Variants in SMPD3 observed in about 807,000 individuals in gnomAD.
The protein encoded by SMPD3 is sphingomyelin phosphodiesterase 3.
In SMPD3, 21 loss-of-function variants were observed where a neutral mutation model predicts 55.7. The observed-to-expected ratio is 0.38, with a 90% confidence interval of 0.27 to 0.54. The LOEUF (loss-of-function observed/expected upper bound fraction) is 0.54, where lower values mean the gene tolerates loss of function less well. SMPD3 is among the 20% of genes least tolerant of loss of function. The pLI is 0.80. For synonymous variants in SMPD3, 457 were observed against 404.3 expected, an observed-to-expected ratio of 1.13 and a Z score of -1.56; for missense variants, 842 against 899.6, an observed-to-expected ratio of 0.94 and a Z score of 0.82.
chr16:68,397,579 C>T (rs536987557), intron 1 of SMPD3, among the ~76,000 whole-genome samples: 1 of 152,318 alleles, frequency 6.6e-6, no homozygotes, highest in South Asian at 2.1e-4. Context: ...GCTGAGAACT[C>T]TTTCATGGCC....
At position 68,374,790 on chromosome 16, in the gene SMPD3, A is replaced by C. The variant is rs1293066084; in HGVS notation, c.-206-2403T>G. 7.2e-5 allele frequency among the ~76,000 whole-genome samples: 11 copies of C among 152,222 alleles called. No homozygotes were observed. In the East Asian group the frequency reaches 2.1e-3, roughly 29 times the overall value. On this transcript the variant is annotated intron_variant, in intron 2 of 8. Transcript: ENST00000219334. ...GGCTGTCTTCACACTGGCTGGACTGACATCCACAGGAGGGGACACAGAGTC... is the reference window on the plus strand; with the variant it reads ...GGCTGTCTTCACACTGGCTGGACTGCCATCCACAGGAGGGGACACAGAGTC...
intron 1 of SMPD3, among the ~76,000 whole-genome samples, chr16:68,399,889 G>T: frequency 6.6e-6 from 1 of 152,190 alleles, no homozygotes; most frequent in East Asian, 1.9e-4. Flanking sequence ...TTGTCTCAGG[G>T]CTAAGGCCAA....
intron 1 of SMPD3, 107 bp from the exon 2 acceptor site, chr16:68,386,766 G>A (rs1458791555): frequency 1.3e-5 from 2 of 152,442 alleles, no homozygotes; most frequent in East Asian, 1.9e-4. Context: ...AAGACCAAGG[G>A]GCCTCACCTG....
chr16:68,361,674 G>A lies in SMPD3; in HGVS notation c.1795C>T (p.Leu599=). Residue 599 remains leucine, a synonymous_variant, in exon 8 of 9, where the codon CTG becomes TTG. Transcript: ENST00000219334. ...SSGQKGRKEL[L]KGNGRRIDYM... is the part of the protein sequence containing the mutation. ...TCGATGCGCCGGCCGTTGCCCTTCAGCAGCTCCTTCCGCCCCTTCTGGCCC... is the reference window on the plus strand; with the variant it reads ...TCGATGCGCCGGCCGTTGCCCTTCAACAGCTCCTTCCGCCCCTTCTGGCCC... 6.2e-7 allele frequency: 1 copy of A among 1,612,824 alleles called. No homozygotes were observed. Among genetic ancestry groups the A allele is most frequent in the South Asian group, 1.1e-5 (1 of 91,092 alleles).
rs967416815 is a variant in SMPD3 at position 68,371,439 on chromosome 16, C to T, written c.743G>A (p.Gly248Asp). ...SPEDACIVRIGGEEGGRPPEA... is the reference protein window; with the variant it reads ...SPEDACIVRIDGEEGGRPPEA... ...AGGTGGCCGGCCGCCCTCCTCGCCACCGATGCGCACGATGCAGGCATCCTC... is the reference window on the plus strand; with the variant it reads ...AGGTGGCCGGCCGCCCTCCTCGCCATCGATGCGCACGATGCAGGCATCCTC... Residue 248 changes from glycine (G) to aspartate (D), a missense_variant, in exon 3 of 9, where the codon GGT becomes GAT. Transcript: ENST00000219334. The T allele has an allele frequency of 1.9e-6, 3 of 1,582,500 alleles. No homozygotes were observed. Among genetic ancestry groups the T allele is most frequent in the African/African-American group, 1.3e-5 (1 of 74,312 alleles).
Position 68,377,719 on chromosome 16 carries a change from C to T in SMPD3, c.-206-5332G>A, listed in dbSNP as rs144212549. Among the ~76,000 whole-genome samples, 11 of 152,348 alleles carry T rather than the reference C, an allele frequency of 7.2e-5. No individual in the cohort carries two copies. In the East Asian group the frequency reaches 2.1e-3, roughly 29 times the overall value. ...TACTGGACGTCAAATACCACCAGCA[C>T]CAAGACAGTCATCCCATTTCCCAAC... On this transcript the variant is annotated intron_variant, in intron 2 of 8. Transcript: ENST00000219334.
At chr16:68,367,968 T>C (rs746880945) in intron 3 of SMPD3, 1 of 152,198 alleles carries the variant, frequency 6.6e-6, no homozygotes, top group Non-Finnish European at 1.5e-5. Flanking sequence ...CGGGAAACCA[T>C]GAGGGCCTTC....
intron 3 of SMPD3, among the ~76,000 whole-genome samples, chr16:68,367,007 C>CAAA (rs35797796): frequency 0.012 from 1,580 of 129,538 alleles, 37 homozygotes; most frequent in African/African-American, 0.042. Flanking sequence ...GACTCTGTCT[C>CAAA]AAAAAAAAAA....
At chr16:68,430,369 T>A (rs1229344233) in intron 1 of SMPD3, among the ~76,000 whole-genome samples, 1 of 152,220 alleles carries the variant, frequency 6.6e-6, no homozygotes, top group East Asian at 1.9e-4. Context: ...TCGACTACAA[T>A]GCTAGGGCCA....
intron 1 of SMPD3, among the ~76,000 whole-genome samples, chr16:68,399,723 C>T (rs1029429404): frequency 2.6e-5 from 4 of 152,212 alleles, no homozygotes; most frequent in African/African-American, 9.7e-5. Context: ...AGCTGCTGCT[C>T]GCCTGGACTG....
At chr16:68,377,702 G>A (rs1334437711) in intron 2 of SMPD3, among the ~76,000 whole-genome samples, 2 of 152,234 alleles carry the variant, frequency 1.3e-5, no homozygotes, top group Admixed American at 6.5e-5. Flanking sequence ...GCTACTGGAC[G>A]TCAAATACCA....
Position 68,360,957 on chromosome 16 carries a change from A to G in SMPD3, c.*249T>C, listed in dbSNP as rs139597865. ...ACTCGGTTGTGCTGTAGATTTGTAG[A>G]AAATCGTGTTGTGAAAGAATGGCAC... On this transcript the variant is annotated 3_prime_UTR_variant, in exon 9 of 9. Transcript: ENST00000219334. 4.0e-6 allele frequency: 2 copies of G among 504,042 alleles called. No individual in the cohort carries two copies. The highest frequency in any genetic ancestry group is 7.1e-6 in the Non-Finnish European group (2 of 282,792). 31.2% of individuals were successfully genotyped at this position (504,042 alleles called of 1,614,324 possible). A position where few individuals can be genotyped will look rare whatever the true frequency, so the allele number is the denominator to read the frequency against.
At chr16:68,414,732 T>C (rs1356069887) in intron 1 of SMPD3, among the ~76,000 whole-genome samples, 1 of 152,162 alleles carries the variant, frequency 6.6e-6, no homozygotes, top group Non-Finnish European at 1.5e-5. Context: ...CCTGCAGACA[T>C]CAGATTGAGT....
rs1038274313 is a variant in SMPD3, at chr16:68,362,239, T to C, written c.1710-480A>G. Among the ~76,000 whole-genome samples, 75 of 152,316 alleles carry C rather than the reference T, an allele frequency of 4.9e-4. 1 individual carries two copies. The highest frequency in any genetic ancestry group is 5.4e-4 in the Non-Finnish European group (37 of 68,028). On this transcript the variant is annotated intron_variant, in intron 7 of 8. Transcript: ENST00000219334. Reference sequence around the variant, plus strand: ...CTACGTGGCTGTGTGACTCTGCTTATGTTACCAAGCCTCCAAGCCTCTGTT... The same window carrying C: ...CTACGTGGCTGTGTGACTCTGCTTACGTTACCAAGCCTCCAAGCCTCTGTT...
At position 68,379,834 on chromosome 16, in the gene SMPD3, C is replaced by T. The variant is rs182724301; in HGVS notation, c.-207+6764G>A. On this transcript the variant is annotated intron_variant, in intron 2 of 8. Coordinates refer to ENST00000219334, the MANE Select transcript of SMPD3 (RefSeq NM_018667.4). ...GGGCACTCCTTCAACCAGCCAGCCTCGGCATTTCCCTGGCGAAGTCAGAAA... is the reference window on the plus strand; with the variant it reads ...GGGCACTCCTTCAACCAGCCAGCCTTGGCATTTCCCTGGCGAAGTCAGAAA... Among the ~76,000 whole-genome samples, 20 of 152,374 alleles carry T rather than the reference C, an allele frequency of 1.3e-4. No individual in the cohort carries two copies. The East Asian group carries it at 2.5e-3, about 19-fold the overall frequency.
chr16:68,435,969 T>C (rs2090520135), intron 1 of SMPD3, among the ~76,000 whole-genome samples: 2 of 152,050 alleles, frequency 1.3e-5, no homozygotes. Flanking sequence ...TCTTAGCTAA[T>C]CCTCTGCGAT....
intron 1 of SMPD3, among the ~76,000 whole-genome samples, chr16:68,400,587 A>C (rs1265520473): frequency 6.6e-6 from 1 of 152,252 alleles, no homozygotes; most frequent in Non-Finnish European, 1.5e-5. Flanking sequence ...TTTTATAAAA[A>C]TTAAGTGGAA....
At position 68,372,046 on chromosome 16, in the gene SMPD3, G is replaced by T. The variant is rs771577674; in HGVS notation, c.136C>A (p.Arg46Ser). 5.0e-6 allele frequency: 8 copies of T among 1,609,026 alleles called. No homozygotes were observed. The South Asian group carries it at 6.7e-5, about 13-fold the overall frequency. Residue 46 changes from arginine to serine, a missense_variant, in exon 3 of 9, where the codon CGC becomes AGC. Physicochemically the swap from Arg to Ser is moderately radical, Grantham distance 110. Around this residue, in one of 2 missense-constraint regions of SMPD3, gnomAD observed 193 missense variants for 256.0 expected, o/e 0.75. Coordinates refer to ENST00000219334, the MANE Select transcript of SMPD3 (RefSeq NM_018667.4). The part of the protein sequence containing the change: ...ASFIPTTYEK[R>S]QRADDPCCLQ... ...CAGCACGGGTCGTCTGCCCGCTGGC[G>T]CTTCTCGTAGGTGGTGGGTATGAAG...
At chr16:68,417,849 G>T (rs1259997463) in intron 1 of SMPD3, among the ~76,000 whole-genome samples, 1 of 152,198 alleles carries the variant, frequency 6.6e-6, no homozygotes, top group South Asian at 2.1e-4. Flanking sequence ...AGCCATGGGG[G>T]TGTGGTGTCA....
Sources: gnomAD v4.1 joint callset for allele counts (sites outside exome capture counted in the v4.1 genomes callset) on GRCh38, gnomAD v4.1.1 for gene constraint, gnomAD v4.1.1 regional missense constraint, MANE v1.5 for transcripts, NCBI Gene and HGNC (gene_info 2026-07-23, HGNC 2026-07-21) for gene names.